Variants in CLPB observed in about 807,000 individuals in gnomAD.
CLPB encodes mitochondrial disaggregase.
CLPB carries 40 observed loss-of-function variants against 78.4 expected under a neutral mutation model. The observed-to-expected ratio is 0.51, with a 90% confidence interval of 0.40 to 0.66. CLPB has a LOEUF of 0.66. CLPB is among the 30% of genes least tolerant of loss of function. The pLI is 0.00. For missense variants in CLPB, 780 were observed against 886.9 expected (o/e 0.88, Z 1.53); for synonymous variants, 333 against 348.0 (o/e 0.96, Z 0.48).
chr11:72,411,283 G>C (rs879725464), intron 2 of CLPB, among the ~76,000 whole-genome samples: 3 of 152,116 alleles, frequency 2.0e-5, no homozygotes, highest in Non-Finnish European at 4.4e-5. Context: ...TGTCTTTTTC[G>C]AAGAACTTAG....
At chr11:72,417,120 G>A (rs1856048581) in intron 2 of CLPB, among the ~76,000 whole-genome samples, 2 of 152,160 alleles carry the variant, frequency 1.3e-5, no homozygotes, top group Non-Finnish European at 2.9e-5. Context: ...ATCTGTACAC[G>A]AATGTTCACA....
chr11:72,380,447 G>C (rs1003056023), intron 3 of CLPB, 63 bp from the exon 4 acceptor site: 6 of 1,305,524 alleles, frequency 4.6e-6, no homozygotes, highest in Non-Finnish European at 6.6e-6. Context: ...TACAGACCCA[G>C]ATCCGGAAGC....
At chr11:72,337,417 T>C (rs1175388030) in intron 5 of CLPB, among the ~76,000 whole-genome samples, 1 of 152,190 alleles carries the variant, frequency 6.6e-6, no homozygotes, top group African/African-American at 2.4e-5. Context: ...TTATTTTTTC[T>C]AGTTTACAGA....
intron 2 of CLPB, among the ~76,000 whole-genome samples, chr11:72,415,593 A>G (rs939601892): frequency 5.3e-5 from 8 of 152,156 alleles, no homozygotes; most frequent in Admixed American, 3.3e-4. Flanking sequence ...ACATATTCAC[A>G]TTTCAAATAT....
In CLPB at chr11:72,422,127, C is replaced by T. The variant is rs146349397; in HGVS notation, c.455+8185G>A. ...CTAAAAATACAAAAAATTGGCCGGG[C>T]GTGGTGGCGGGCGCCTGTAGTCCAG... On this transcript the variant is annotated intron_variant, in intron 2 of 15. Transcript: ENST00000538039. Among the ~76,000 whole-genome samples the T allele has an allele frequency of 2.5e-3, 380 of 152,000 alleles. 3 individuals carry two copies. Among genetic ancestry groups the T allele is most frequent in the African/African-American group, 8.7e-3 (359 of 41,468 alleles).
chr11:72,398,497 G>T (rs1855472082), intron 3 of CLPB, among the ~76,000 whole-genome samples: 1 of 152,178 alleles, frequency 6.6e-6, no homozygotes, highest in East Asian at 1.9e-4. Context: ...CCGAGAGGTT[G>T]TAACATCAAA....
chr11:72,422,547 G>C (rs1471974619), intron 2 of CLPB, among the ~76,000 whole-genome samples: 1 of 152,158 alleles, frequency 6.6e-6, no homozygotes, highest in African/African-American at 2.4e-5. Flanking sequence ...ATGATCTTCA[G>C]AAGCTCTCAC....
At chr11:72,307,105 C>T (rs1464431387) in intron 9 of CLPB, 94 bp downstream of exon 9, 2 of 1,148,942 alleles carry the variant, frequency 1.7e-6, no homozygotes, top group African/African-American at 1.5e-5. Flanking sequence ...TTTTTGATTG[C>T]CTATTACTGA....
intron 4 of CLPB, among the ~76,000 whole-genome samples, chr11:72,360,866 CTG>C (rs1950826129): frequency 6.6e-6 from 1 of 152,190 alleles, no homozygotes; most frequent in Non-Finnish European, 1.5e-5. Context: ...GATGAGGAAA[CTG>C]AGGCTCAGAG....
intron 9 of CLPB, chr11:72,302,780 C>A: frequency 5.3e-6 from 1 of 188,702 alleles, no homozygotes; most frequent in Non-Finnish European, 1.1e-5. Flanking sequence ...TGGACAAAGT[C>A]AGTCACGATC....
chr11:72,302,352 T>G lies in CLPB; in HGVS notation c.1123-4A>C. 1.2e-6 allele frequency: 2 copies of G among 1,614,102 alleles called. No individual in the cohort carries two copies. Among genetic ancestry groups the G allele is most frequent in the Non-Finnish European group, 1.7e-6 (2 of 1,179,988 alleles). ...ACATGTCCAGCCTGATGAAGCCCTG[T>G]GTGGAAACAAGCAAGTACCAACTCC... On this transcript the variant is annotated splice_polypyrimidine_tract_variant and splice_region_variant and intron_variant, in intron 9 of 15. Coordinates refer to ENST00000538039, the MANE Select transcript of CLPB (RefSeq NM_001258392.3).
intron 6 of CLPB, among the ~76,000 whole-genome samples, chr11:72,324,711 C>T (rs1045880245): frequency 6.6e-6 from 1 of 152,202 alleles, no homozygotes; most frequent in Non-Finnish European, 1.5e-5. Flanking sequence ...CAAGCTGGCA[C>T]CTGTAATGAG....
intron 11 of CLPB, among the ~76,000 whole-genome samples, chr11:72,300,530 G>A (rs1949636631): frequency 6.6e-6 from 1 of 152,168 alleles, no homozygotes; most frequent in African/African-American, 2.4e-5. Flanking sequence ...CAGGGGCAGG[G>A]AGCAGCTGAA....
chr11:72,420,391 G>A (rs1398997960), intron 2 of CLPB, among the ~76,000 whole-genome samples: 2 of 152,096 alleles, frequency 1.3e-5, no homozygotes, highest in Non-Finnish European at 2.9e-5. Flanking sequence ...CTACTCGGGA[G>A]GCTGAGGCAG....
At chr11:72,420,691 A>C (rs1263040699) in intron 2 of CLPB, among the ~76,000 whole-genome samples, 1 of 152,196 alleles carries the variant, frequency 6.6e-6, no homozygotes, top group Non-Finnish European at 1.5e-5. Flanking sequence ...TGCTATGGGA[A>C]TCCACAGATA....
At position 72,434,205 on chromosome 11, in the gene CLPB, G is replaced by T. The variant is rs775156233; in HGVS notation, c.270C>A (p.Arg90=). Residue 90 remains arginine (R), a synonymous_variant, in exon 1 of 16, where the codon CGC becomes CGA. Transcript: ENST00000538039. The part of the protein sequence containing the change: ...TKCLAAATWG[R]LPGPEETLPG... ...GGAGTGTTTCTTCGGGACCAGGAAG[G>T]CGTCCCCAAGTGGCAGCCGCGAGGC... is the stretch of plus-strand genomic sequence containing the variant. 1 of 1,613,540 alleles carries T rather than the reference G, an allele frequency of 6.2e-7. No homozygotes were observed. The highest frequency in any genetic ancestry group is 1.6e-4 in the Middle Eastern group (1 of 6,062).
At chr11:72,380,059 C>G (rs1390237976) in intron 4 of CLPB, among the ~76,000 whole-genome samples, 1 of 152,162 alleles carries the variant, frequency 6.6e-6, no homozygotes, top group Non-Finnish European at 1.5e-5. Flanking sequence ...AATCAGGCCT[C>G]TATTTCTTTC....
intron 2 of CLPB, among the ~76,000 whole-genome samples, chr11:72,421,369 T>C (rs1041029548): frequency 6.6e-6 from 1 of 152,142 alleles, no homozygotes; most frequent in African/African-American, 2.4e-5. Context: ...TCTTATCTAA[T>C]TCGACATGAG....
rs1949481657 is a variant in CLPB, at chr11:72,293,243, G to A, written c.*124C>T. 5.6e-6 allele frequency: 7 copies of A among 1,250,690 alleles called. No individual in the cohort carries two copies. The highest frequency in any genetic ancestry group is 7.8e-6 in the Non-Finnish European group (7 of 895,664). The allele number at this position is 1,250,690 out of a possible 1,614,324, so 77.5% of individuals were successfully genotyped here. A position where few individuals can be genotyped will look rare whatever the true frequency, so the allele number is the denominator to read the frequency against. ...AAGGGGTCTTCATGGGCTGTGAGGA[G>A]GTAAGCAGGCCTGAGACTGGGTAGA... On this transcript the variant is annotated 3_prime_UTR_variant, in exon 16 of 16. Transcript: ENST00000538039.
Sources: allele counts gnomAD v4.1 joint callset (sites outside exome capture counted in the v4.1 genomes callset), GRCh38; gene constraint gnomAD v4.1.1; transcripts MANE v1.5; gene names NCBI Gene and HGNC (gene_info 2026-07-23, HGNC 2026-07-21).